SRGAP3: variants seen among roughly 807,000 people sequenced by gnomAD.
SRGAP3 encodes SLIT-ROBO Rho GTPase activating protein 3.
SRGAP3 carries 39 observed loss-of-function variants against 121.1 expected under a neutral mutation model. That is an observed-to-expected ratio of 0.32 (90% CI 0.25 to 0.42). The LOEUF (loss-of-function observed/expected upper bound fraction) is 0.42, where lower values mean the gene tolerates loss of function less well. Ranked by LOEUF, SRGAP3 falls within the 10% of genes least tolerant of loss-of-function variation. SRGAP3 has a pLI of 1.00. For missense variants in SRGAP3, 1,213 were observed against 1,470.6 expected, an observed-to-expected ratio of 0.82 and a Z score of 2.86; for synonymous variants, 601 against 570.0, an observed-to-expected ratio of 1.05 and a Z score of -0.77.
Position 9,109,012 on chromosome 3 carries a change from A to G in SRGAP3, c.261-4170T>C, listed in dbSNP as rs182803310. Among the ~76,000 whole-genome samples, 1 of 152,322 alleles carries G rather than the reference A, an allele frequency of 6.6e-6. No individual in the cohort carries two copies. The highest frequency in any genetic ancestry group is 1.5e-5 in the Non-Finnish European group (1 of 68,018). ...AGATGCTGATGACATGAACTGAGAT[A>G]AGAACTGCAAGGGGAGCAGTAGGTT... On this transcript the variant is annotated intron_variant, in intron 2 of 21. Transcript: ENST00000383836. The surrounding 1 kb of genome is among the most constrained non-coding windows in gnomAD (Gnocchi z 4.4).
chr3:9,327,135 T>C (rs1955533625), intron 2 of SRGAP3, among the ~76,000 whole-genome samples: 1 of 151,946 alleles, frequency 6.6e-6, no homozygotes, highest in African/African-American at 2.4e-5. Context: ...CATTTTATAA[T>C]CTATTCAGTT....
intron 1 of SRGAP3, among the ~76,000 whole-genome samples, chr3:9,203,391 C>T (rs1210871631): frequency 1.3e-5 from 2 of 152,246 alleles, no homozygotes; most frequent in African/African-American, 2.4e-5. Context: ...TAACTAAACA[C>T]TGGGACAGTT....
intron 1 of SRGAP3, among the ~76,000 whole-genome samples, chr3:9,235,270 G>A (rs915786944): frequency 1.3e-5 from 2 of 152,150 alleles, no homozygotes; most frequent in African/African-American, 4.8e-5. Flanking sequence ...TTATAACTCT[G>A]CCTTAAAGAT....
At chr3:9,156,243 TTTTG>T (rs752431466) in intron 1 of SRGAP3, among the ~76,000 whole-genome samples, 21 of 152,172 alleles carry the variant, frequency 1.4e-4, no homozygotes, top group Non-Finnish European at 2.9e-4. Context: ...TTTGTGTGTG[TTTTG>T]TTTGTTTTGA....
At chr3:9,338,602 T>C (rs1316574387) in intron 1 of SRGAP3, among the ~76,000 whole-genome samples, 1 of 152,240 alleles carries the variant, frequency 6.6e-6, no homozygotes, top group Non-Finnish European at 1.5e-5. Flanking sequence ...TTCAGAGGCA[T>C]GCTTCCTCAA....
At chr3:9,123,195 G>C (rs1055769338) in intron 2 of SRGAP3, among the ~76,000 whole-genome samples, 11 of 152,238 alleles carry the variant, frequency 7.2e-5, no homozygotes, top group African/African-American at 2.4e-4. Context: ...GCAGGGAATG[G>C]GGAGTTAGTG....
At chr3:9,310,362 G>C (rs150955933) in intron 3 of SRGAP3, among the ~76,000 whole-genome samples, 3 of 152,268 alleles carry the variant, frequency 2.0e-5, no homozygotes, top group Non-Finnish European at 4.4e-5. Context: ...CCTATCTGTT[G>C]TCTTCAGCCA....
intron 3 of SRGAP3, among the ~76,000 whole-genome samples, chr3:9,276,619 G>T (rs1235218527): frequency 6.6e-6 from 1 of 152,064 alleles, no homozygotes; most frequent in Non-Finnish European, 1.5e-5. Flanking sequence ...TAGAGACAGG[G>T]TTTCACTATG....
At chr3:9,345,405 C>G (rs917848630) in intron 1 of SRGAP3, among the ~76,000 whole-genome samples, 2 of 151,842 alleles carry the variant, frequency 1.3e-5, no homozygotes, top group Non-Finnish European at 2.9e-5. Context: ...CTTGAGCCCA[C>G]CAGGAAGTGA....
At chr3:9,134,712 C>T (rs1949579433) in intron 1 of SRGAP3, among the ~76,000 whole-genome samples, 1 of 152,108 alleles carries the variant, frequency 6.6e-6, no homozygotes, top group Non-Finnish European at 1.5e-5. Flanking sequence ...TCCTGTTGTA[C>T]CTCCTGTCTC....
At chr3:9,010,083 G>A (rs952316436) in intron 18 of SRGAP3, among the ~76,000 whole-genome samples, 2 of 152,208 alleles carry the variant, frequency 1.3e-5, no homozygotes, top group African/African-American at 2.4e-5. Context: ...GTGGGGTGTC[G>A]TGAACACAGC....
Position 9,064,403 on chromosome 3 carries a change from T to G in SRGAP3, c.665A>C (p.Lys222Thr), listed in dbSNP as rs1304725700. The change falls in exon 5 of 22, where the codon AAG becomes ACG. Residue 222 changes from lysine (K) to threonine (T), a missense_variant. By Grantham distance (78) the Lys-to-Thr change is moderately conservative. Around this residue, in one of 2 missense-constraint regions of SRGAP3, gnomAD observed 793 missense variants for 1,032.9 expected, o/e 0.77. Transcript: ENST00000383836. ...CCCAGGGCCCCCACTCACCTTCTCC[T>G]TCATCTTCTCAATCTTCTTCACAGA... ...RSSVKKIEKM[K>T]EKRQAKYSEN... The G allele has an allele frequency of 6.2e-7, 1 of 1,614,046 alleles. No individual in the cohort carries two copies. The highest frequency in any genetic ancestry group is 8.5e-7 in the Non-Finnish European group (1 of 1,180,014).
At chr3:9,037,884 T>A in intron 11 of SRGAP3, 179 bp downstream of exon 11, 1 of 803,164 alleles carries the variant, frequency 1.2e-6, no homozygotes, top group East Asian at 2.6e-5. Context: ...TTTGTCAGTC[T>A]AATGCTAGAA....
intron 3 of SRGAP3, among the ~76,000 whole-genome samples, chr3:9,254,838 G>A (rs1017128756): frequency 1.1e-4 from 15 of 132,136 alleles, no homozygotes; most frequent in Non-Finnish European, 1.6e-4. Flanking sequence ...AGAGAGGAAC[G>A]AAGGGAGGGA....
rs765408588 is a variant in SRGAP3 at position 9,262,534 on chromosome 3, C to CAAAAAAAAAAAAAAAAAAAAAAAAAAA, written n.442+63475_442+63476insTTTTTTTTTTTTTTTTTTTTTTTTTTT. Among the ~76,000 whole-genome samples, 9 of 25,568 alleles carry CAAAAAAAAAAAAAAAAAAAAAAAAAAA rather than the reference C, an allele frequency of 3.5e-4. 1 individual carries two copies. The highest frequency in any genetic ancestry group is 1.1e-3 in the East Asian group (1 of 928). The allele number at this position is 25,568 out of a possible 152,430, so 16.8% of individuals were successfully genotyped here. On this transcript the variant is annotated intron_variant and non_coding_transcript_variant, in intron 3 of 3. Coordinates refer to the SRGAP3 transcript ENST00000490889. ...GAAGATTTACCAAGCAAATGGAAAG[C>CAAAAAAAAAAAAAAAAAAAAAAAAAAA]AAAAAAAAAAAAAAAAAAAAAAGCA...
At chr3:9,171,336 A>G (rs1950969271) in intron 1 of SRGAP3, among the ~76,000 whole-genome samples, 1 of 152,240 alleles carries the variant, frequency 6.6e-6, no homozygotes, top group Admixed American at 6.5e-5. Context: ...AGAGCCCTGC[A>G]TTTAAATCCC....
In SRGAP3 at chr3:9,013,428, T is replaced by A; in HGVS notation, c.2027A>T (p.Gln676Leu). The A allele has an allele frequency of 6.2e-7, 1 of 1,614,120 alleles. No individual in the cohort carries two copies. Among genetic ancestry groups the A allele is most frequent in the East Asian group, 2.2e-5 (1 of 44,868 alleles). ...TTTGATGACTTCATTGATGTGTGCC[T>A]GGCAGGACACAGGGTCCTGCCCATC... Reference protein sequence around the residue: ...IPDGQDPVSCQAHINEVIKTI... With the variant: ...IPDGQDPVSCLAHINEVIKTI... The change falls in exon 17 of 22, where the codon CAG becomes CTG. Residue 676 changes from glutamine (Q) to leucine (L), a missense_variant. Around this residue, in one of 2 missense-constraint regions of SRGAP3, gnomAD observed 793 missense variants for 1,032.9 expected, o/e 0.77. Transcript: ENST00000383836.
chr3:9,014,201 G>C lies in SRGAP3; in HGVS notation c.1814-359C>G, dbSNP rs6799113. 452 of 360,150 alleles carry C rather than the reference G, an allele frequency of 1.3e-3. 3 individuals carry two copies. Among genetic ancestry groups the C allele is most frequent in the African/African-American group, 8.7e-3 (419 of 48,036 alleles). 22.3% of individuals were successfully genotyped at this position (360,150 alleles called of 1,614,324 possible). A position where few individuals can be genotyped will look rare whatever the true frequency, so the allele number is the denominator to read the frequency against. ...GAGTGAAGCTGGCATAGAGCCGGAC[G>C]GGGCATATATCTGCTGATGCCGTGT... On this transcript the variant is annotated intron_variant, in intron 15 of 21. Coordinates refer to ENST00000383836, the MANE Select transcript of SRGAP3 (RefSeq NM_014850.4).
At chr3:9,045,341 C>T (rs1395837158) in intron 10 of SRGAP3, among the ~76,000 whole-genome samples, 1 of 152,130 alleles carries the variant, frequency 6.6e-6, no homozygotes, top group Non-Finnish European at 1.5e-5. Flanking sequence ...TTAGCTGCCC[C>T]TCTACTTCTG....
Sources: gnomAD v4.1 joint callset for allele counts (sites outside exome capture counted in the v4.1 genomes callset) on GRCh38, gnomAD v4.1.1 for gene constraint, gnomAD v4.1.1 regional missense constraint, Gnocchi (gnomAD v3.1) non-coding constraint, MANE v1.5 for transcripts, NCBI Gene and HGNC (gene_info 2026-07-23, HGNC 2026-07-21) for gene names.